NAV2: variants seen among roughly 807,000 people sequenced by gnomAD.
NAV2 encodes neuron navigator 2, also known as helicase, APC down-regulated 1.
In NAV2, 54 loss-of-function variants were observed where a neutral mutation model predicts 223.2. The observed-to-expected ratio is 0.24, with a 90% CI of 0.19 to 0.30. The LOEUF (loss-of-function observed/expected upper bound fraction) is 0.30. NAV2 is among the 10% of genes least tolerant of loss of function. The probability of loss-of-function intolerance (pLI) is 1.00; values close to 1 mark genes in which losing one functional copy is unlikely to be tolerated. For missense variants in NAV2, 2,806 were observed against 3,147.5 expected, an observed-to-expected ratio of 0.89 and a Z score of 2.60; for synonymous variants, 1,279 against 1,239.3, an observed-to-expected ratio of 1.03 and a Z score of -0.67.
chr11:19,432,175 G>A (rs908024370), intron 1 of NAV2, among the ~76,000 whole-genome samples: 1 of 145,990 alleles, frequency 6.8e-6, no homozygotes, highest in Middle Eastern at 3.2e-3. Context: ...TCCAGCCTGG[G>A]CAACAAGAGC....
intron 6 of NAV2, among the ~76,000 whole-genome samples, chr11:19,896,241 T>C (rs907182487): frequency 1.3e-5 from 2 of 152,184 alleles, no homozygotes; most frequent in African/African-American, 4.8e-5. Flanking sequence ...GTTAAGTATA[T>C]TCACATTGTG....
Position 19,364,061 on chromosome 11 carries a change from TC to T in NAV2, c.75+13038del, listed in dbSNP as rs530874196. Among the ~76,000 whole-genome samples the T allele has an allele frequency of 5.8e-4, 88 of 152,210 alleles. 1 individual carries two copies. The highest frequency in any genetic ancestry group is 1.1e-3 in the Non-Finnish European group (72 of 68,008). ...AACTCAATCTCCAGCCCCTCTCCCC[TC>T]CCCAGAGGGTGGGGCTGAAAGTTCC... On this transcript the variant is annotated intron_variant, in intron 1 of 37. Coordinates refer to the NAV2 transcript ENST00000360655.
At chr11:19,985,286 A>G (rs1176474020) in intron 11 of NAV2, among the ~76,000 whole-genome samples, 1 of 152,198 alleles carries the variant, frequency 6.6e-6, no homozygotes, top group Non-Finnish European at 1.5e-5. Context: ...GAATTTGCTG[A>G]AGAAGAATCT....
At chr11:19,740,505 T>C (rs939695733) in intron 1 of NAV2, among the ~76,000 whole-genome samples, 1 of 151,770 alleles carries the variant, frequency 6.6e-6, no homozygotes, top group African/African-American at 2.4e-5. Context: ...TCCACTATTA[T>C]CCTGTGACCC....
chr11:19,418,175 A>T (rs562932543), intron 1 of NAV2, among the ~76,000 whole-genome samples: 20 of 152,342 alleles, frequency 1.3e-4, no homozygotes, highest in South Asian at 8.3e-4. Context: ...TGGCATCAAG[A>T]TAGTACAAGC....
chr11:19,589,331 A>G (rs921366438), intron 1 of NAV2, among the ~76,000 whole-genome samples: 2 of 152,256 alleles, frequency 1.3e-5, no homozygotes, highest in African/African-American at 4.8e-5. Context: ...ACCAAAGGAA[A>G]AATGGGACCA....
intron 1 of NAV2, among the ~76,000 whole-genome samples, chr11:19,399,093 C>G (rs1415618226): frequency 6.6e-6 from 1 of 152,186 alleles, no homozygotes; most frequent in Non-Finnish European, 1.5e-5. Flanking sequence ...TTCAAGGTCT[C>G]TGGTGAAATG....
At chr11:19,727,640 T>C (rs1210590216) in intron 1 of NAV2, among the ~76,000 whole-genome samples, 1 of 152,222 alleles carries the variant, frequency 6.6e-6, no homozygotes, top group African/African-American at 2.4e-5. Flanking sequence ...TTGATAAGAG[T>C]AGAGCAGAAT....
chr11:19,446,544 G>A (rs972223146), intron 1 of NAV2, among the ~76,000 whole-genome samples: 2 of 152,176 alleles, frequency 1.3e-5, no homozygotes, highest in African/African-American at 2.4e-5. Flanking sequence ...ATGTTGGGGA[G>A]TTTTCTGCCT....
chr11:19,600,537 A>G (rs1183127203), intron 1 of NAV2, among the ~76,000 whole-genome samples: 1 of 152,212 alleles, frequency 6.6e-6, no homozygotes, highest in Non-Finnish European at 1.5e-5. Flanking sequence ...TGCTGTCATC[A>G]TCTACAGTAC....
intron 2 of NAV2, among the ~76,000 whole-genome samples, chr11:19,836,339 T>C (rs1049783345): frequency 6.6e-6 from 1 of 151,472 alleles, no homozygotes; most frequent in Non-Finnish European, 1.5e-5. Flanking sequence ...GGGTGGATCA[T>C]GAGGTCAGGA....
intron 1 of NAV2, among the ~76,000 whole-genome samples, chr11:19,497,896 A>G (rs1469644431): frequency 6.6e-6 from 1 of 152,204 alleles, no homozygotes; most frequent in Non-Finnish European, 1.5e-5. Context: ...AGCAGACTCT[A>G]GGAAGAAGGG....
intron 1 of NAV2, among the ~76,000 whole-genome samples, chr11:19,440,847 A>C (rs1590207917): frequency 6.6e-6 from 1 of 152,350 alleles, no homozygotes; most frequent in East Asian, 1.9e-4. Flanking sequence ...TTCTTTGTGC[A>C]GGATAAACAT....
intron 1 of NAV2, among the ~76,000 whole-genome samples, chr11:19,501,528 A>G (rs1217988890): frequency 6.6e-6 from 1 of 152,114 alleles, no homozygotes; most frequent in Non-Finnish European, 1.5e-5. Flanking sequence ...TGCTAAACAC[A>G]TTCCCAAAAA....
intron 1 of NAV2, among the ~76,000 whole-genome samples, chr11:19,720,835 CT>C (rs1335939744): frequency 6.6e-6 from 1 of 152,202 alleles, no homozygotes; most frequent in African/African-American, 2.4e-5. Context: ...CTAATTCTGT[CT>C]CTTTAGTCAC....
chr11:19,535,108 G>T (rs1464874425), intron 1 of NAV2, among the ~76,000 whole-genome samples: 2 of 152,170 alleles, frequency 1.3e-5, no homozygotes, highest in Non-Finnish European at 2.9e-5. Context: ...GGACATGATA[G>T]ATTTGCATTT....
chr11:20,046,515 A>G (rs1033730184), intron 14 of NAV2, among the ~76,000 whole-genome samples: 9 of 151,518 alleles, frequency 5.9e-5, no homozygotes, highest in Admixed American at 5.9e-4. Flanking sequence ...CCTTTACTCA[A>G]AAAGCCCAGT....
intron 1 of NAV2, among the ~76,000 whole-genome samples, chr11:19,518,779 G>A (rs374006502): frequency 3.3e-5 from 5 of 152,178 alleles, no homozygotes; most frequent in Admixed American, 6.5e-5. Flanking sequence ...TGCCCTGGAC[G>A]GGGTGTTTGC....
intron 10 of NAV2, among the ~76,000 whole-genome samples, chr11:19,961,008 G>A (rs2048316490): frequency 6.6e-6 from 1 of 152,118 alleles, no homozygotes; most frequent in African/African-American, 2.4e-5. Context: ...AGAGACCCGA[G>A]GGCTCACAGA....
Sources: allele counts gnomAD v4.1 joint callset (sites outside exome capture counted in the v4.1 genomes callset), GRCh38; gene constraint gnomAD v4.1.1; transcripts MANE v1.5; gene names NCBI Gene and HGNC (gene_info 2026-07-23, HGNC 2026-07-21).